SDC2: variants seen among roughly 807,000 people sequenced by gnomAD.
SDC2 encodes the protein syndecan-2.
Under a neutral mutation model 22.2 loss-of-function variants are expected in SDC2, and 13 were observed. That is an observed-to-expected ratio of 0.59 (90% CI 0.38 to 0.93). The LOEUF is 0.93. Among genes scored for constraint, SDC2 ranks in the 40% least tolerant of loss-of-function variants. The probability of loss-of-function intolerance (pLI) is 0.00; values close to 1 mark genes in which losing one functional copy is unlikely to be tolerated. For missense variants in SDC2, 235 were observed against 246.8 expected (o/e 0.95, Z 0.32); for synonymous variants, 94 against 92.8 (o/e 1.01, Z -0.07).
intron 3 of SDC2, among the ~76,000 whole-genome samples, chr8:96,606,288 A>G (rs1479226644): frequency 2.0e-5 from 3 of 152,136 alleles, no homozygotes; most frequent in East Asian, 1.9e-4. Context: ...TGTAGAGACA[A>G]GGTCTCAGTA....
At chr8:96,560,597 GT>G (rs1814192532) in intron 1 of SDC2, among the ~76,000 whole-genome samples, 1 of 152,100 alleles carries the variant, frequency 6.6e-6, no homozygotes, top group African/African-American at 2.4e-5. Context: ...TGATTTTATG[GT>G]TTGACTTTTA....
chr8:96,572,879 A>T (rs1814419872), intron 1 of SDC2, among the ~76,000 whole-genome samples: 1 of 152,192 alleles, frequency 6.6e-6, no homozygotes, highest in Non-Finnish European at 1.5e-5. Context: ...TTAGCTGCAG[A>T]GTCTTCATTT....
At chr8:96,546,961 A>G (rs555901400) in intron 1 of SDC2, among the ~76,000 whole-genome samples, 1 of 152,336 alleles carries the variant, frequency 6.6e-6, no homozygotes, top group South Asian at 2.1e-4. Flanking sequence ...TCCTGCTGTG[A>G]ATTCTGTCTG....
At chr8:96,599,333 G>A (rs1178069150) in intron 2 of SDC2, among the ~76,000 whole-genome samples, 4 of 152,082 alleles carry the variant, frequency 2.6e-5, no homozygotes, top group African/African-American at 4.8e-5. Context: ...CTAGGTTGAT[G>A]ACTCATATTG....
chr8:96,541,781 T>C (rs1273233611), intron 1 of SDC2, among the ~76,000 whole-genome samples: 1 of 152,212 alleles, frequency 6.6e-6, no homozygotes, highest in Non-Finnish European at 1.5e-5. Context: ...GTGGTGATGA[T>C]TGCAGAACAA....
At chr8:96,539,581 C>T (rs552071676) in intron 1 of SDC2, among the ~76,000 whole-genome samples, 10 of 152,298 alleles carry the variant, frequency 6.6e-5, no homozygotes, top group African/African-American at 1.9e-4. Context: ...TATTTGCTTG[C>T]CTAGCACTAT....
At position 96,582,912 on chromosome 8, in the gene SDC2, G is replaced by T. The variant is rs145310317; in HGVS notation, c.61-10568G>T. Among the ~76,000 whole-genome samples the T allele has an allele frequency of 1.9e-3, 289 of 152,198 alleles. 5 individuals carry two copies. The South Asian group carries it at 0.024, about 13-fold the overall frequency. On this transcript the variant is annotated intron_variant, in intron 1 of 4. Transcript: ENST00000302190. ...AGGAGCAAGGAGGCGCTAACAAGAC[G>T]GGTTATTAGACCCAGGAATTTTTAA...
intron 1 of SDC2, among the ~76,000 whole-genome samples, chr8:96,501,298 T>TC (rs1381837394): frequency 1.7e-5 from 2 of 119,058 alleles, no homozygotes; most frequent in African/African-American, 3.7e-5. Flanking sequence ...CGTATTTCTT[T>TC]TTTTTTTTTT....
chr8:96,579,972 G>A (rs555988287), intron 1 of SDC2, among the ~76,000 whole-genome samples: 13 of 152,264 alleles, frequency 8.5e-5, no homozygotes, highest in African/African-American at 2.9e-4. Flanking sequence ...AGGGCTTTCC[G>A]AATGGCAGCT....
chr8:96,495,512 G>A (rs1813059364), intron 1 of SDC2, among the ~76,000 whole-genome samples: 2 of 152,182 alleles, frequency 1.3e-5, no homozygotes, highest in African/African-American at 4.8e-5. Flanking sequence ...GCCCTCTGGG[G>A]TCTCAGGGAG....
chr8:96,560,553 T>A (rs1472452657), intron 1 of SDC2, among the ~76,000 whole-genome samples: 1 of 152,166 alleles, frequency 6.6e-6, no homozygotes, highest in Non-Finnish European at 1.5e-5. Flanking sequence ...GGATGGAGTT[T>A]TATGTTTTTA....
chr8:96,592,104 C>G (rs1288426464), intron 1 of SDC2, among the ~76,000 whole-genome samples: 1 of 152,208 alleles, frequency 6.6e-6, no homozygotes, highest in Non-Finnish European at 1.5e-5. Context: ...ACTGGAACAC[C>G]AGTCCCTAAG....
chr8:96,501,507 C>T (rs1813165268), intron 1 of SDC2, among the ~76,000 whole-genome samples: 1 of 151,620 alleles, frequency 6.6e-6, no homozygotes, highest in Admixed American at 6.6e-5. Flanking sequence ...GGGATTTCAC[C>T]ATGTTGGCCA....
At position 96,581,263 on chromosome 8, in the gene SDC2, A is replaced by C. The variant is rs111624805; in HGVS notation, c.61-12217A>C. Reference sequence around the variant, plus strand: ...CTTAAGTAGTATTTTTTAATTAAGCATGTAATTTTATCATTTTGCAAATTC... The same window carrying C: ...CTTAAGTAGTATTTTTTAATTAAGCCTGTAATTTTATCATTTTGCAAATTC... On this transcript the variant is annotated intron_variant, in intron 1 of 4. Coordinates refer to ENST00000302190, the MANE Select transcript of SDC2 (RefSeq NM_002998.4). Among the ~76,000 whole-genome samples the C allele has an allele frequency of 6.3e-3, 952 of 152,316 alleles. 11 individuals carry two copies. Among genetic ancestry groups the C allele is most frequent in the African/African-American group, 0.022 (912 of 41,566 alleles).
In SDC2 at chr8:96,609,914, G is replaced by A. The variant is rs1016798466; in HGVS notation, c.*366G>A. 1 of 159,040 alleles carries A rather than the reference G, an allele frequency of 6.3e-6. No homozygotes were observed. The highest frequency in any genetic ancestry group is 2.4e-5 in the African/African-American group (1 of 41,702). The allele number at this position is 159,040 out of a possible 1,614,324, so 9.9% of individuals were successfully genotyped here. A position where few individuals can be genotyped will look rare whatever the true frequency, so the allele number is the denominator to read the frequency against. On this transcript the variant is annotated 3_prime_UTR_variant, in exon 5 of 5. Transcript: ENST00000302190. ...TGTCTCAGATTGACCTTACCAAGTT[G>A]GTCTTACTTTGTTAATTTATCTGTT...
intron 1 of SDC2, among the ~76,000 whole-genome samples, chr8:96,561,477 A>G (rs1262068839): frequency 6.6e-6 from 1 of 152,192 alleles, no homozygotes; most frequent in African/African-American, 2.4e-5. Context: ...TGGATTCCCA[A>G]AGGCCCTAGG....
In SDC2 at chr8:96,579,448, A is replaced by G. The variant is rs1244094936; in HGVS notation, c.61-14032A>G. ...CGTGAAAAGGCAAACTTGACAGAAT[A>G]ATATATCTACCATAATTCCTGTGAA... is the stretch of plus-strand genomic sequence containing the variant. On this transcript the variant is annotated intron_variant, in intron 1 of 4. Coordinates refer to ENST00000302190, the MANE Select transcript of SDC2 (RefSeq NM_002998.4). Among the ~76,000 whole-genome samples the G allele has an allele frequency of 2.6e-5, 4 of 152,264 alleles. No individual in the cohort carries two copies. In the East Asian group the frequency reaches 7.7e-4, roughly 29 times the overall value.
chr8:96,546,375 G>A (rs1371585825), intron 1 of SDC2, among the ~76,000 whole-genome samples: 1 of 152,176 alleles, frequency 6.6e-6, no homozygotes, highest in East Asian at 1.9e-4. Flanking sequence ...AGATGATTTA[G>A]TACTTGGCTC....
chr8:96,606,837 A>G (rs1357417091), intron 3 of SDC2, among the ~76,000 whole-genome samples: 2 of 152,146 alleles, frequency 1.3e-5, no homozygotes, highest in African/African-American at 2.4e-5. Flanking sequence ...AAGGACAAAC[A>G]GATAGTAAAA....
Sources: allele counts gnomAD v4.1 joint callset (sites outside exome capture counted in the v4.1 genomes callset), GRCh38; gene constraint gnomAD v4.1.1; transcripts MANE v1.5; gene names NCBI Gene and HGNC (gene_info 2026-07-23, HGNC 2026-07-21).